DIP2C: variants seen among roughly 807,000 people sequenced by gnomAD.
DIP2C encodes the protein DIP2 acetate--CoA ligase C (putative), also known as disco-interacting protein 2 homolog C.
In DIP2C, 33 loss-of-function variants were observed where a neutral mutation model predicts 192.4. The observed-to-expected ratio is 0.17, with a 90% CI of 0.13 to 0.23. The LOEUF (loss-of-function observed/expected upper bound fraction) is 0.23, where lower values mean the gene tolerates loss of function less well. Among genes scored for constraint, DIP2C ranks in the 10% least tolerant of loss-of-function variants. The pLI, the probability that DIP2C is intolerant of heterozygous loss-of-function variation, is 1.00. For synonymous variants in DIP2C, 979 were observed against 864.1 expected, an observed-to-expected ratio of 1.13 and a Z score of -2.33; for missense variants, 1,537 against 2,110.1, an observed-to-expected ratio of 0.73 and a Z score of 5.32.
At chr10:507,869 A>G (rs1205158398) in intron 1 of DIP2C, among the ~76,000 whole-genome samples, 1 of 152,210 alleles carries the variant, frequency 6.6e-6, no homozygotes, top group Admixed American at 6.5e-5. Flanking sequence ...CATTCACCTG[A>G]GGCCACCAAG....
chr10:595,121 A>ATC (rs1281273224), intron 1 of DIP2C, among the ~76,000 whole-genome samples: 1 of 152,202 alleles, frequency 6.6e-6, no homozygotes, highest in Non-Finnish European at 1.5e-5. Flanking sequence ...AAAATGGCAA[A>ATC]TCCCCTCTGC....
intron 1 of DIP2C, among the ~76,000 whole-genome samples, chr10:590,493 C>T (rs776992955): frequency 2.6e-5 from 4 of 152,220 alleles, no homozygotes; most frequent in Admixed American, 6.5e-5. Context: ...TGGTATCTTA[C>T]GGCATATCGA....
intron 4 of DIP2C, among the ~76,000 whole-genome samples, chr10:432,007 G>A (rs1195536630): frequency 1.3e-5 from 2 of 152,040 alleles, no homozygotes; most frequent in African/African-American, 4.8e-5. Flanking sequence ...TTAACGTGAT[G>A]AATTACGTTA....
At chr10:563,940 A>C (rs892740201) in intron 1 of DIP2C, among the ~76,000 whole-genome samples, 3 of 152,228 alleles carry the variant, frequency 2.0e-5, no homozygotes, top group African/African-American at 7.2e-5. Flanking sequence ...CATTCAGGGA[A>C]TCGATGCTGA....
chr10:378,387 G>A (rs1961893457), intron 17 of DIP2C, among the ~76,000 whole-genome samples: 1 of 152,112 alleles, frequency 6.6e-6, no homozygotes. Flanking sequence ...ACGAAAACAG[G>A]CATACACAGG....
intron 3 of DIP2C, among the ~76,000 whole-genome samples, chr10:442,967 A>C (rs915425645): frequency 6.6e-6 from 1 of 152,196 alleles, no homozygotes; most frequent in South Asian, 2.1e-4. Context: ...GGAAATTTTC[A>C]AGAATACAGG....
At position 277,034 on chromosome 10, in the gene DIP2C, C is replaced by A; in HGVS notation, c.*291G>T. 2 of 324,734 alleles carry A rather than the reference C, an allele frequency of 6.2e-6. No individual in the cohort carries two copies. The highest frequency in any genetic ancestry group is 1.1e-5 in the Non-Finnish European group (2 of 179,538). 20.1% of individuals were successfully genotyped at this position (324,734 alleles called of 1,614,324 possible). A position where few individuals can be genotyped will look rare whatever the true frequency, so the allele number is the denominator to read the frequency against. Reference sequence around the variant, plus strand: ...ATTTACGAAGAAAGCACTTATTATCCAATAATTAAAAAAGAAAGAAAAGAA... The same window carrying A: ...ATTTACGAAGAAAGCACTTATTATCAAATAATTAAAAAAGAAAGAAAAGAA... On this transcript the variant is annotated 3_prime_UTR_variant, in exon 37 of 37. Coordinates refer to ENST00000280886, the MANE Select transcript of DIP2C (RefSeq NM_014974.3).
chr10:618,871 G>A (rs1743178749), intron 1 of DIP2C, among the ~76,000 whole-genome samples: 1 of 152,202 alleles, frequency 6.6e-6, no homozygotes, highest in African/African-American at 2.4e-5. Context: ...CCTCGCCAAG[G>A]TATGCCTGGC....
intron 29 of DIP2C, among the ~76,000 whole-genome samples, chr10:336,343 AC>A (rs1957768160): frequency 1.8e-3 from 2 of 1,130 alleles, no homozygotes; most frequent in Non-Finnish European, 0.016. Flanking sequence ...GCTGAAGCAC[AC>A]CACGTTACTT....
At chr10:562,842 C>G (rs543453871) in intron 1 of DIP2C, among the ~76,000 whole-genome samples, 17 of 152,322 alleles carry the variant, frequency 1.1e-4, no homozygotes, top group Admixed American at 6.5e-5. Context: ...AACAACAGTG[C>G]ACAACCAGCA....
chr10:579,665 G>A (rs992071120), intron 1 of DIP2C, among the ~76,000 whole-genome samples: 1 of 151,890 alleles, frequency 6.6e-6, no homozygotes, highest in Non-Finnish European at 1.5e-5. Flanking sequence ...CAGATCCATA[G>A]TGTATGTACG....
chr10:681,081 T>G (rs150556694), intron 1 of DIP2C, among the ~76,000 whole-genome samples: 1 of 148,614 alleles, frequency 6.7e-6, no homozygotes, highest in Admixed American at 6.7e-5. Context: ...CAGGCCCCAG[T>G]TGCATGGTAC....
At chr10:458,062 T>C (rs1969448188) in intron 3 of DIP2C, among the ~76,000 whole-genome samples, 1 of 152,088 alleles carries the variant, frequency 6.6e-6, no homozygotes. Context: ...TGATTTTATA[T>C]ATCATCTTAA....
chr10:565,995 C>A (rs1220244317), intron 1 of DIP2C, among the ~76,000 whole-genome samples: 1 of 152,108 alleles, frequency 6.6e-6, no homozygotes, highest in African/African-American at 2.4e-5. Context: ...CTGCAAAGGC[C>A]GGCATTCAGA....
chr10:609,327 C>G (rs1238429791), intron 1 of DIP2C, among the ~76,000 whole-genome samples: 3 of 152,184 alleles, frequency 2.0e-5, no homozygotes, highest in African/African-American at 7.2e-5. Flanking sequence ...TGTTCCCTGG[C>G]TGTCAGAAAC....
intron 17 of DIP2C, chr10:370,124 T>C (rs1960787739): frequency 1.2e-6 from 1 of 834,922 alleles, no homozygotes; most frequent in Non-Finnish European, 1.4e-6. Context: ...GCAGACTGCC[T>C]GGGCGTATGC....
chr10:641,306 C>T (rs1235331769), intron 1 of DIP2C, among the ~76,000 whole-genome samples: 2 of 152,160 alleles, frequency 1.3e-5, no homozygotes, highest in East Asian at 3.9e-4. Context: ...TGCATCCAGG[C>T]AGGTCTTGTG....
chr10:462,074 G>T (rs886778745), intron 3 of DIP2C, among the ~76,000 whole-genome samples: 20 of 152,286 alleles, frequency 1.3e-4, no homozygotes, highest in Non-Finnish European at 1.9e-4. Context: ...ACAAGAAAAA[G>T]CAGGAAAGAT....
At chr10:467,061 C>G (rs916889295) in intron 3 of DIP2C, among the ~76,000 whole-genome samples, 1 of 151,580 alleles carries the variant, frequency 6.6e-6, no homozygotes, top group African/African-American at 2.4e-5. Context: ...ATAAATCATG[C>G]TGCTATAAAG....
Sources: gnomAD v4.1 joint callset for allele counts (sites outside exome capture counted in the v4.1 genomes callset) on GRCh38, gnomAD v4.1.1 for gene constraint, MANE v1.5 for transcripts, NCBI Gene and HGNC (gene_info 2026-07-23, HGNC 2026-07-21) for gene names.